INTS6: variants seen among roughly 807,000 people sequenced by gnomAD.
The protein encoded by INTS6 is integrator complex subunit 6.
Under a neutral mutation model 104.9 loss-of-function variants are expected in INTS6, and 16 were observed. The observed-to-expected ratio is 0.15, with a 90% confidence interval of 0.10 to 0.23. The LOEUF is 0.23. Among genes scored for constraint, INTS6 ranks in the 10% least tolerant of loss-of-function variants. The pLI, the probability that INTS6 is intolerant of heterozygous loss-of-function variation, is 1.00. For missense variants in INTS6, 584 were observed against 1,062.8 expected (o/e 0.55, Z 6.26); for synonymous variants, 324 against 358.7 (o/e 0.90, Z 1.09).
chr13:51,379,369 T>C (rs1956002354), intron 11 of INTS6, 93 bp downstream of exon 11: 2 of 546,040 alleles, frequency 3.7e-6, no homozygotes, highest in East Asian at 6.0e-5. Flanking sequence ...GGAATTCCAT[T>C]AGAACCATCA....
At chr13:51,389,505 G>A in intron 5 of INTS6, 61 bp from the exon 6 acceptor site, 1 of 1,419,872 alleles carries the variant, frequency 7.0e-7, no homozygotes, top group South Asian at 1.5e-5. Context: ...TTAGTTGCAA[G>A]AATTCCTATC....
At position 51,397,806 on chromosome 13, in the gene INTS6, C is replaced by A. The variant is rs560738937; in HGVS notation, c.430-2323G>T. On this transcript the variant is annotated intron_variant, in intron 4 of 17. Transcript: ENST00000311234. ...TTGAGAATGTGGGGGAAAACAGGCA[C>A]TGCGCGGACCACACACACACACACA... 2.2e-4 allele frequency among the ~76,000 whole-genome samples: 33 copies of A among 151,478 alleles called. No individual in the cohort carries two copies. The South Asian group carries it at 6.9e-3, about 32-fold the overall frequency.
intron 4 of INTS6, among the ~76,000 whole-genome samples, chr13:51,404,875 G>T (rs1177321782): frequency 6.6e-6 from 1 of 151,990 alleles, no homozygotes; most frequent in Non-Finnish European, 1.5e-5. Flanking sequence ...TTAAAATAGG[G>T]ATCAGAAATC....
At chr13:51,385,928 A>G (rs1181962888) in intron 7 of INTS6, among the ~76,000 whole-genome samples, 1 of 152,136 alleles carries the variant, frequency 6.6e-6, no homozygotes, top group Non-Finnish European at 1.5e-5. Context: ...CAATTTTTCT[A>G]AAGATGTCTG....
chr13:51,346,905 T>A, the INTS6 span: 3 of 685,078 alleles, frequency 4.4e-6, no homozygotes, highest in Non-Finnish European at 7.7e-6. Context: ...GAGACCACCT[T>A]AAGCAAAAAG....
At chr13:51,399,787 A>G (rs1166013630) in intron 4 of INTS6, among the ~76,000 whole-genome samples, 1 of 152,040 alleles carries the variant, frequency 6.6e-6, no homozygotes, top group Non-Finnish European at 1.5e-5. Flanking sequence ...GAAGTGGAAT[A>G]CCTTTTCATA....
chr13:51,349,273 A>G (rs1955382894), downstream of INTS6, among the ~76,000 whole-genome samples: 1 of 152,200 alleles, frequency 6.6e-6, no homozygotes, highest in Admixed American at 6.5e-5. Flanking sequence ...AAGTAAATCT[A>G]TGCACTAGAA....
intron 7 of INTS6, among the ~76,000 whole-genome samples, chr13:51,386,129 A>G (rs1334583499): frequency 1.3e-5 from 2 of 151,804 alleles, no homozygotes; most frequent in Non-Finnish European, 2.9e-5. Flanking sequence ...TCACTTCCAT[A>G]TTTTTTTTCT....
At chr13:51,448,519 T>C (rs759779547) in intron 3 of INTS6, 4 of 152,230 alleles carry the variant, frequency 2.6e-5, no homozygotes, top group Non-Finnish European at 5.9e-5. Flanking sequence ...CAAATTCTGA[T>C]AGCATCCTAG....
chr13:51,449,186 TTAA>T (rs1566256751), intron 3 of INTS6: 1 of 152,244 alleles, frequency 6.6e-6, no homozygotes, highest in Non-Finnish European at 1.5e-5. Context: ...GACATAAGCA[TTAA>T]TATTATGCTT....
chr13:51,408,740 C>G (rs1279503170), intron 4 of INTS6, among the ~76,000 whole-genome samples: 1 of 152,140 alleles, frequency 6.6e-6, no homozygotes, highest in African/African-American at 2.4e-5. Flanking sequence ...TGCCCATAAT[C>G]ACACAAGTTA....
rs1953032518 is a variant in INTS6 at position 51,451,072 on chromosome 13, A to G, written c.292T>C (p.Leu98=). The change falls in exon 3 of 18, where the codon TTA becomes CTA. Residue 98 remains leucine, a synonymous_variant. Transcript: ENST00000311234. ...LGQSLRTAFD[L]LNLNRLVTGI... is the part of the protein sequence containing the mutation. Reference sequence around the variant, plus strand: ...GTTACTAATCTATTTAAATTTAATAAATCAAAAGCTGTCCTTAGGGATTGG... The same window carrying G: ...GTTACTAATCTATTTAAATTTAATAGATCAAAAGCTGTCCTTAGGGATTGG... 6.4e-7 allele frequency: 1 copy of G among 1,564,464 alleles called. No individual in the cohort carries two copies. Among genetic ancestry groups the G allele is most frequent in the Non-Finnish European group, 8.6e-7 (1 of 1,158,394 alleles).
intron 12 of INTS6, 34 bp downstream of exon 12, chr13:51,378,205 A>AT: frequency 6.9e-7 from 1 of 1,451,388 alleles, no homozygotes; most frequent in South Asian, 1.1e-5. Flanking sequence ...ATAACAGAAC[A>AT]TAACTAGAGT....
the INTS6 span, chr13:51,341,364 C>T: frequency 2.6e-5 from 40 of 1,565,658 alleles, no homozygotes; most frequent in East Asian, 1.6e-4. Flanking sequence ...GGCCTGCCCA[C>T]GTGCACACTC....
chr13:51,418,198 A>T (rs901886429), intron 4 of INTS6, among the ~76,000 whole-genome samples: 5 of 152,246 alleles, frequency 3.3e-5, no homozygotes, highest in African/African-American at 1.2e-4. Context: ...GTTTCTAAGA[A>T]CAGTGCCTAG....
chr13:51,445,526 T>C (rs1441492026), intron 3 of INTS6: 1 of 152,240 alleles, frequency 6.6e-6, no homozygotes, highest in Non-Finnish European at 1.5e-5. Flanking sequence ...ATTTTAAATA[T>C]ATCATCCCAT....
Position 51,367,885 on chromosome 13 carries a change from G to T in INTS6, c.2490C>A (p.Ile830=). ...CTTGCACATGCTTCAGTAAAGTGAAGATTCTTTCATATTCTTAAAGCAAAA... is the reference window on the plus strand; with the variant it reads ...CTTGCACATGCTTCAGTAAAGTGAATATTCTTTCATATTCTTAAAGCAAAA... ...IRKPGRKYER[I]FTLLKHVQGS... is the part of the protein sequence containing the mutation. The change falls in exon 17 of 18, where the codon ATC becomes ATA. Residue 830 remains isoleucine (I), a synonymous_variant. Transcript: ENST00000311234. 6.4e-7 allele frequency: 1 copy of T among 1,570,064 alleles called. No homozygotes were observed. The highest frequency in any genetic ancestry group is 8.6e-7 in the Non-Finnish European group (1 of 1,160,482).
At chr13:51,404,941 T>C (rs1593716681) in intron 4 of INTS6, among the ~76,000 whole-genome samples, 1 of 51,888 alleles carries the variant, frequency 1.9e-5, no homozygotes, top group Non-Finnish European at 3.5e-5. Context: ...ATTGTAATCT[T>C]CTACTTTCAA....
chr13:51,347,138 T>G, the INTS6 span: 3 of 1,613,832 alleles, frequency 1.9e-6, no homozygotes, highest in East Asian at 2.2e-5. Context: ...GCGAAAGAGA[T>G]TCTCCTCCAC....
Sources: gnomAD v4.1 joint callset for allele counts (sites outside exome capture counted in the v4.1 genomes callset) on GRCh38, gnomAD v4.1.1 for gene constraint, MANE v1.5 for transcripts, NCBI Gene and HGNC (gene_info 2026-07-23, HGNC 2026-07-21) for gene names.